The following KALRN variants were observed in gnomAD, a reference collection of about 807,000 sequenced individuals.
KALRN encodes kalirin.
A neutral mutation model predicts 353.7 loss-of-function variants in KALRN; 70 were observed. The ratio of observed to expected loss-of-function variants is 0.20; its 90% CI spans 0.16 to 0.24. The LOEUF (loss-of-function observed/expected upper bound fraction) is 0.24, where lower values mean the gene tolerates loss of function less well. Ranked by LOEUF, KALRN falls within the 10% of genes least tolerant of loss-of-function variation. The probability of loss-of-function intolerance (pLI) is 1.00; values close to 1 mark genes in which losing one functional copy is unlikely to be tolerated. For missense variants in KALRN, 2,791 were observed against 3,756.7 expected, an observed-to-expected ratio of 0.74 and a Z score of 6.72; for synonymous variants, 1,391 against 1,434.8, an observed-to-expected ratio of 0.97 and a Z score of 0.69.
chr3:124,163,785 A>G, intron 1 of KALRN: 1 of 985,446 alleles, frequency 1.0e-6, no homozygotes, highest in Non-Finnish European at 1.2e-6. Context: ...TTCTCCTTCC[A>G]AACTTCCCTG....
At chr3:124,488,442 A>G in intron 29 of KALRN, 127 bp downstream of exon 29, 2 of 688,174 alleles carry the variant, frequency 2.9e-6, no homozygotes, top group Non-Finnish European at 5.2e-6. Context: ...AATGACAAGT[A>G]GTTACATAGG....
At chr3:124,139,879 G>A (rs1553787457) in intron 1 of KALRN, among the ~76,000 whole-genome samples, 1 of 152,128 alleles carries the variant, frequency 6.6e-6, no homozygotes, top group Non-Finnish European at 1.5e-5. Context: ...CCTTTCTCCT[G>A]GTACACCTTG....
intron 33 of KALRN, among the ~76,000 whole-genome samples, chr3:124,554,161 G>A (rs1199517884): frequency 5.9e-5 from 9 of 152,214 alleles, no homozygotes; most frequent in Admixed American, 4.6e-4. Flanking sequence ...TTCGAGACCA[G>A]CCTGGGTAAC....
intron 1 of KALRN, among the ~76,000 whole-genome samples, chr3:124,054,357 T>TTAAAATAAAAATAAAAATAAAAA (rs138045279): frequency 1.5e-5 from 2 of 136,912 alleles, no homozygotes; most frequent in Non-Finnish European, 1.5e-5. Flanking sequence ...ACCCCATCAC[T>TTAAAATAAAAATAAAAATAAAAA]TAAAAATAAA....
At chr3:124,668,336 G>C (rs985978766) in intron 47 of KALRN, among the ~76,000 whole-genome samples, 1 of 152,194 alleles carries the variant, frequency 6.6e-6, no homozygotes, top group Non-Finnish European at 1.5e-5. Context: ...GGTGCCATAC[G>C]AGTTGAGGAC....
intron 1 of KALRN, among the ~76,000 whole-genome samples, chr3:124,143,791 A>G (rs2066936112): frequency 6.6e-6 from 1 of 152,188 alleles, no homozygotes; most frequent in Non-Finnish European, 1.5e-5. Context: ...AAAGACTAAA[A>G]AGGCTCTAAT....
At position 124,712,979 on chromosome 3, in the gene KALRN, G is replaced by T. The variant is rs756112179; in HGVS notation, c.8120G>T (p.Arg2707Leu). 41 of 1,613,762 alleles carry T rather than the reference G, an allele frequency of 2.5e-5. No individual in the cohort carries two copies. The highest frequency in any genetic ancestry group is 1.6e-4 in the Middle Eastern group (1 of 6,084). ...IVKKCIHKAT[R>L]KDVAVKFVSK... ...AAGAAATGCATTCACAAAGCTACCC[G>T]CAAAGATGTGGCTGTGAAATTTGTT... The change falls in exon 58 of 60, where the codon CGC (arginine) becomes CTC (leucine). Residue 2707 changes from arginine to leucine, a missense_variant. Transcript: ENST00000682506.
At chr3:124,380,334 T>G (rs2087173539) in intron 10 of KALRN, among the ~76,000 whole-genome samples, 1 of 152,202 alleles carries the variant, frequency 6.6e-6, no homozygotes, top group Non-Finnish European at 1.5e-5. Context: ...GGGCCAAGGC[T>G]TCAGCAGAGT....
At chr3:124,379,340 G>C (rs1203552034) in intron 10 of KALRN, among the ~76,000 whole-genome samples, 5 of 152,126 alleles carry the variant, frequency 3.3e-5, no homozygotes, top group East Asian at 1.9e-4. Flanking sequence ...CTCTGGGTCA[G>C]TTTTCATTGA....
intron 58 of KALRN, among the ~76,000 whole-genome samples, chr3:124,716,565 G>A (rs955822953): frequency 6.6e-6 from 1 of 152,082 alleles, no homozygotes; most frequent in African/African-American, 2.4e-5. Flanking sequence ...AAAGGTGGTG[G>A]GGTAGGGGAG....
At chr3:124,483,831 G>T (rs2062251096) in intron 28 of KALRN, among the ~76,000 whole-genome samples, 1 of 152,122 alleles carries the variant, frequency 6.6e-6, no homozygotes, top group African/African-American at 2.4e-5. Flanking sequence ...AACCAAATAT[G>T]CAAAACACTA....
chr3:124,402,699 G>A (rs1176940534), intron 13 of KALRN, among the ~76,000 whole-genome samples: 1 of 152,132 alleles, frequency 6.6e-6, no homozygotes. Context: ...TCATTTTTAA[G>A]TTATAAAAAC....
chr3:124,331,325 G>A (rs2080528795), intron 8 of KALRN, among the ~76,000 whole-genome samples: 1 of 152,192 alleles, frequency 6.6e-6, no homozygotes, highest in African/African-American at 2.4e-5. Flanking sequence ...TGGAGTTGGA[G>A]ACCATTATTC....
rs750345543 is a variant in KALRN at position 124,637,171 on chromosome 3, C to T, written c.5569-37C>T. The stretch of plus-strand genomic sequence containing the variant: ...CCTGATCACTGTTCCTTATTCTTTG[C>T]TAATCTGCTTTTCCTCTGCTGCCCG... On this transcript the variant is annotated intron_variant, in intron 36 of 59. Transcript: ENST00000682506. 12 of 1,490,806 alleles carry T rather than the reference C, an allele frequency of 8.0e-6. No homozygotes were observed. In the East Asian group the frequency reaches 2.7e-4, roughly 34 times the overall value. The allele number at this position is 1,490,806 out of a possible 1,614,324, so 92.3% of individuals were successfully genotyped here. A position where few individuals can be genotyped will look rare whatever the true frequency, so the allele number is the denominator to read the frequency against.
At chr3:124,035,017 A>G (rs1480788459) in intron 1 of KALRN, among the ~76,000 whole-genome samples, 1 of 152,086 alleles carries the variant, frequency 6.6e-6, no homozygotes, top group African/African-American at 2.4e-5. Context: ...TGGCTTTGGA[A>G]GTCAAGACTT....
intron 19 of KALRN, among the ~76,000 whole-genome samples, chr3:124,444,736 A>G (rs1284085742): frequency 7.1e-6 from 1 of 140,354 alleles, no homozygotes; most frequent in East Asian, 2.3e-4. Flanking sequence ...TGAGCCTGGG[A>G]GGTTGAGGCT....
chr3:124,585,642 T>C (rs3863068), intron 34 of KALRN, among the ~76,000 whole-genome samples: 23,153 of 151,982 alleles, frequency 0.15, 1,943 homozygotes, highest in Middle Eastern at 0.19. Context: ...TGTGGCTTCT[T>C]CTGAAAAAAA....
At chr3:124,360,915 T>A (rs2083967471) in intron 10 of KALRN, among the ~76,000 whole-genome samples, 1 of 152,246 alleles carries the variant, frequency 6.6e-6, no homozygotes, top group Non-Finnish European at 1.5e-5. Context: ...CAAGACTATT[T>A]TGCCTTCACG....
chr3:124,625,530 G>A (rs765896128), intron 34 of KALRN, among the ~76,000 whole-genome samples: 9 of 151,770 alleles, frequency 5.9e-5, no homozygotes, highest in South Asian at 4.2e-4. Context: ...AAACCAGCCC[G>A]GACAACATCA....
Sources: allele counts gnomAD v4.1 joint callset (sites outside exome capture counted in the v4.1 genomes callset), GRCh38; gene constraint gnomAD v4.1.1; transcripts MANE v1.5; gene names NCBI Gene and HGNC (gene_info 2026-07-23, HGNC 2026-07-21).